PIEZO2: variants seen among roughly 807,000 people sequenced by gnomAD.
PIEZO2 encodes the protein piezo-type mechanosensitive ion channel component 2.
PIEZO2 carries 172 observed loss-of-function variants against 337.3 expected under a neutral mutation model. That is an observed-to-expected ratio of 0.51 (90% CI 0.45 to 0.58). PIEZO2 has a LOEUF of 0.58. Ranked by LOEUF, PIEZO2 falls within the 20% of genes least tolerant of loss-of-function variation. PIEZO2 has a pLI of 0.00. For missense variants in PIEZO2, 3,028 were observed against 3,391.3 expected (o/e 0.89, Z 2.66); for synonymous variants, 1,251 against 1,228.5 (o/e 1.02, Z -0.38).
chr18:10,951,916 A>G (rs907126932), intron 3 of PIEZO2, among the ~76,000 whole-genome samples: 1 of 152,244 alleles, frequency 6.6e-6, no homozygotes, highest in Non-Finnish European at 1.5e-5. Flanking sequence ...GATATGAAAC[A>G]GGAAAATGCT....
chr18:11,005,379 C>G (rs1039210132), intron 2 of PIEZO2, among the ~76,000 whole-genome samples: 3 of 152,126 alleles, frequency 2.0e-5, no homozygotes, highest in African/African-American at 7.2e-5. Context: ...TTATTTTTTT[C>G]CTTTCACATA....
At chr18:11,066,796 C>T (rs537545424) in intron 1 of PIEZO2, among the ~76,000 whole-genome samples, 4 of 152,296 alleles carry the variant, frequency 2.6e-5, no homozygotes, top group African/African-American at 4.8e-5. Context: ...GACGGGGTTT[C>T]GCCATGTTGG....
intron 27 of PIEZO2, among the ~76,000 whole-genome samples, chr18:10,754,145 C>T (rs1228834556): frequency 6.6e-6 from 1 of 152,218 alleles, no homozygotes; most frequent in Non-Finnish European, 1.5e-5. Context: ...GGCACTGAAC[C>T]CACTTTGGGT....
intron 3 of PIEZO2, among the ~76,000 whole-genome samples, chr18:10,978,892 G>A (rs1309114699): frequency 6.6e-6 from 1 of 152,040 alleles, no homozygotes; most frequent in East Asian, 1.9e-4. Context: ...AAAAACTGAA[G>A]TATGATTTAT....
Position 10,797,512 on chromosome 18 carries a change from C to T in PIEZO2, c.1389G>A (p.Glu463=), listed in dbSNP as rs1462312043. ...ATTCTTCTTTCTCTTCCTCTTCCTC[C>T]TCTCGCTTTTCTAGATGGACGAATA... is the stretch of plus-strand genomic sequence containing the variant. ...EPSDESSEKR[E]EEEEEKEEFE... is the part of the protein sequence containing the mutation. The change falls in exon 12 of 56, where the codon GAG becomes GAA. Residue 463 remains glutamate, a synonymous_variant. Coordinates refer to ENST00000674853, the MANE Select transcript of PIEZO2 (RefSeq NM_001378183.1). 13 of 1,536,642 alleles carry T rather than the reference C, an allele frequency of 8.5e-6. No homozygotes were observed. In the Admixed American group the frequency reaches 2.4e-4, roughly 28 times the overall value.
rs2145763029 is a variant in PIEZO2, at chr18:11,031,327, G to A, written c.160+34800C>T. On this transcript the variant is annotated intron_variant, in intron 2 of 55. Coordinates refer to ENST00000674853, the MANE Select transcript of PIEZO2 (RefSeq NM_001378183.1). This position sits in a 1 kb window ranked among gnomAD's most constrained non-coding sequence, Gnocchi z 4.7. ...AATTTTTTTTTAATAAGCCCATCAG[G>A]ACCTTTCATAACCTTACAGTTGTCT... 6.6e-6 allele frequency among the ~76,000 whole-genome samples: 1 copy of A among 151,690 alleles called. No homozygotes were observed. The highest frequency in any genetic ancestry group is 1.9e-4 in the East Asian group (1 of 5,154).
chr18:11,056,856 T>C (rs1486006823), intron 2 of PIEZO2, among the ~76,000 whole-genome samples: 1 of 152,168 alleles, frequency 6.6e-6, no homozygotes, highest in Non-Finnish European at 1.5e-5. Context: ...CCTCCAGTCA[T>C]GCAACAGATC....
intron 4 of PIEZO2, among the ~76,000 whole-genome samples, chr18:10,898,063 A>G (rs550619062): frequency 2.0e-5 from 3 of 152,348 alleles, no homozygotes; most frequent in African/African-American, 4.8e-5. Flanking sequence ...TGTTTATTTT[A>G]TATCTTCTTT....
chr18:10,731,753 A>G (rs2036797878), intron 35 of PIEZO2, among the ~76,000 whole-genome samples: 1 of 152,134 alleles, frequency 6.6e-6, no homozygotes, highest in African/African-American at 2.4e-5. Flanking sequence ...CTTTGGGTAC[A>G]CCAAATAAAC....
At position 10,759,860 on chromosome 18, in the gene PIEZO2, T is replaced by C. The variant is rs747108006; in HGVS notation, c.3500A>G (p.Tyr1167Cys). 79 of 1,537,270 alleles carry C rather than the reference T, an allele frequency of 5.1e-5. 1 individual carries two copies. Among genetic ancestry groups the C allele is most frequent in the Admixed American group, 3.9e-5 (2 of 50,972 alleles). The change falls in exon 25 of 56, where the codon TAT (tyrosine) becomes TGT (cysteine). Residue 1167 changes from tyrosine to cysteine, a missense_variant. Coordinates refer to ENST00000674853, the MANE Select transcript of PIEZO2 (RefSeq NM_001378183.1). The surrounding 1 kb of genome is among the most constrained non-coding windows in gnomAD (Gnocchi z 5.5). ...VNVIGQRMDF[Y>C]AMIHACWLIA... ...CAGCCAGCAGGCGTGGATCATGGCA[T>C]AGAAATCCATTCGCTGGCCAATGAC...
chr18:10,765,605 G>A (rs1352623504), intron 21 of PIEZO2, among the ~76,000 whole-genome samples: 1 of 152,208 alleles, frequency 6.6e-6, no homozygotes, highest in Non-Finnish European at 1.5e-5. Context: ...CAGAGGGAGT[G>A]AGTAGGACAC....
chr18:10,856,304 T>C lies in PIEZO2; in HGVS notation c.703+697A>G, dbSNP rs1237961418. Among the ~76,000 whole-genome samples, 1 of 152,174 alleles carries C rather than the reference T, an allele frequency of 6.6e-6. No individual in the cohort carries two copies. Among genetic ancestry groups the C allele is most frequent in the East Asian group, 1.9e-4 (1 of 5,200 alleles). On this transcript the variant is annotated intron_variant, in intron 6 of 55. Coordinates refer to ENST00000674853, the MANE Select transcript of PIEZO2 (RefSeq NM_001378183.1). This position sits in a 1 kb window ranked among gnomAD's most constrained non-coding sequence, Gnocchi z 4.7. Reference sequence around the variant, plus strand: ...ATTTTGAAAGGACTCCTCATTAAAATGTTGTGGTTTATTTCTTGAGAAATT... The same window carrying C: ...ATTTTGAAAGGACTCCTCATTAAAACGTTGTGGTTTATTTCTTGAGAAATT...
chr18:10,857,085 C>G lies in PIEZO2; in HGVS notation c.619G>C (p.Val207Leu), dbSNP rs2041726782. 2 of 1,537,410 alleles carry G rather than the reference C, an allele frequency of 1.3e-6. No individual in the cohort carries two copies. The highest frequency in any genetic ancestry group is 2.0e-5 in the Admixed American group (1 of 50,990). Residue 207 changes from valine (V) to leucine (L), a missense_variant, in exon 6 of 56, where the codon GTG (valine) becomes CTG (leucine). Val to Leu is a conservative substitution (Grantham distance 32). This residue lies in a region of PIEZO2 where 542 missense variants were observed against 605.6 expected (regional missense o/e 0.89). Transcript: ENST00000674853. ...ATGAACTCCTTGAGCTTAGAGGCCACAGAGGCAAGCCTGCGGAACATTTTT... is the reference window on the plus strand; with the variant it reads ...ATGAACTCCTTGAGCTTAGAGGCCAGAGAGGCAAGCCTGCGGAACATTTTT... ...KLKMFRRLAS[V>L]ASKLKEFIGN...
In PIEZO2 at chr18:11,077,237, G is replaced by T. The variant is rs2038579152; in HGVS notation, c.65-11015C>A. Among the ~76,000 whole-genome samples the T allele has an allele frequency of 6.6e-6, 1 of 152,166 alleles. No individual in the cohort carries two copies. On this transcript the variant is annotated intron_variant, in intron 1 of 55. Transcript: ENST00000674853. This position sits in a 1 kb window ranked among gnomAD's most constrained non-coding sequence, Gnocchi z 4.8. ...GGGGGCCAACTGGGAGCTAAGAAAA[G>T]GTCAAATATTAAAACTGCTTATTAG...
At chr18:10,832,851 A>G (rs905082073) in intron 7 of PIEZO2, among the ~76,000 whole-genome samples, 2 of 152,132 alleles carry the variant, frequency 1.3e-5, no homozygotes, top group Non-Finnish European at 2.9e-5. Context: ...AGGGATAAGC[A>G]TTTATTTTTG....
intron 3 of PIEZO2, among the ~76,000 whole-genome samples, chr18:10,950,873 C>A (rs2033260880): frequency 6.6e-6 from 1 of 152,196 alleles, no homozygotes; most frequent in Non-Finnish European, 1.5e-5. Flanking sequence ...CAAAATATTT[C>A]TTGAAGCAGT....
chr18:10,875,562 T>G (rs2144813635), intron 4 of PIEZO2, among the ~76,000 whole-genome samples: 1 of 152,280 alleles, frequency 6.6e-6, no homozygotes, highest in Non-Finnish European at 1.5e-5. Flanking sequence ...GGCAATCGAT[T>G]ATTATAGCTC....
chr18:10,944,807 A>T (rs2032932254), intron 3 of PIEZO2, among the ~76,000 whole-genome samples: 1 of 152,168 alleles, frequency 6.6e-6, no homozygotes, highest in South Asian at 2.1e-4. Context: ...AAATAAAAGC[A>T]TATCAAAGAC....
Position 11,112,307 on chromosome 18 carries a change from T to G in PIEZO2, c.64+36218A>C, listed in dbSNP as rs1277891108. 6.6e-6 allele frequency among the ~76,000 whole-genome samples: 1 copy of G among 152,216 alleles called. No homozygotes were observed. The highest frequency in any genetic ancestry group is 1.5e-5 in the Non-Finnish European group (1 of 68,030). On this transcript the variant is annotated intron_variant, in intron 1 of 55. Coordinates refer to ENST00000674853, the MANE Select transcript of PIEZO2 (RefSeq NM_001378183.1). The surrounding 1 kb of genome is among the most constrained non-coding windows in gnomAD (Gnocchi z 4.3). ...TGGTATCAGGAAGGTCATTTGAGTT[T>G]AAAATAAAAACAGTTATTTGAGATA...
Sources: allele counts gnomAD v4.1 joint callset (sites outside exome capture counted in the v4.1 genomes callset), GRCh38; gene constraint gnomAD v4.1.1; regional missense constraint gnomAD v4.1.1; non-coding constraint Gnocchi (gnomAD v3.1); transcripts MANE v1.5; gene names NCBI Gene and HGNC (gene_info 2026-07-23, HGNC 2026-07-21).